The following ROBO1 variants were observed in gnomAD, a reference collection of about 807,000 sequenced individuals.
ROBO1 encodes roundabout guidance receptor 1.
Under a neutral mutation model 195.9 loss-of-function variants are expected in ROBO1, and 149 were observed. That is an observed-to-expected ratio of 0.76 (90% CI 0.67 to 0.87). The LOEUF (loss-of-function observed/expected upper bound fraction) is 0.87, where lower values mean the gene tolerates loss of function less well. ROBO1 is among the 40% of genes least tolerant of loss of function. The pLI is 0.00. For synonymous variants in ROBO1, 816 were observed against 733.2 expected (o/e 1.11, Z -1.82); for missense variants, 1,933 against 2,068.3 (o/e 0.93, Z 1.27).
At chr3:79,652,145 A>G (rs774322305) in intron 1 of ROBO1, among the ~76,000 whole-genome samples, 37 of 152,128 alleles carry the variant, frequency 2.4e-4, no homozygotes, top group Non-Finnish European at 5.0e-4. Context: ...TAAAAAATAT[A>G]CCACACTAGT....
intron 10 of ROBO1, among the ~76,000 whole-genome samples, chr3:78,684,323 A>G (rs2107813990): frequency 6.6e-6 from 1 of 152,292 alleles, no homozygotes; most frequent in African/African-American, 2.4e-5. Flanking sequence ...GATTTTAAGA[A>G]TAGATAAAAG....
At chr3:78,842,450 A>T (rs2033315989) in intron 4 of ROBO1, among the ~76,000 whole-genome samples, 1 of 6,866 alleles carries the variant, frequency 1.5e-4, no homozygotes, top group Admixed American at 2.2e-3. Context: ...TATGAGCCAT[A>T]TATATTTTTA....
intron 2 of ROBO1, among the ~76,000 whole-genome samples, chr3:79,376,339 T>C (rs2036382324): frequency 6.6e-6 from 1 of 152,208 alleles, no homozygotes; most frequent in South Asian, 2.1e-4. Context: ...TTAAGATCTT[T>C]CTTTTATGTT....
chr3:79,284,425 A>G (rs2031752451), intron 2 of ROBO1, among the ~76,000 whole-genome samples: 1 of 152,210 alleles, frequency 6.6e-6, no homozygotes, highest in Admixed American at 6.5e-5. Context: ...TGGCACATGT[A>G]TACCTATGTA....
chr3:79,520,151 T>G (rs1941146025), intron 2 of ROBO1, among the ~76,000 whole-genome samples: 1 of 147,756 alleles, frequency 6.8e-6, no homozygotes, highest in Non-Finnish European at 1.5e-5. Context: ...GACTGCAAGA[T>G]TCTATCAAAA....
intron 1 of ROBO1, among the ~76,000 whole-genome samples, chr3:79,637,413 C>T (rs368233318): frequency 6.6e-6 from 1 of 150,994 alleles, no homozygotes; most frequent in Non-Finnish European, 1.5e-5. Flanking sequence ...AAATGTGACC[C>T]TCCTTCCCAA....
chr3:79,118,597 C>T (rs1356591846), intron 3 of ROBO1, among the ~76,000 whole-genome samples: 3 of 151,892 alleles, frequency 2.0e-5, no homozygotes, highest in South Asian at 2.1e-4. Flanking sequence ...GGGCTGGGCG[C>T]GGTGGCTCAC....
intron 2 of ROBO1, among the ~76,000 whole-genome samples, chr3:79,125,992 T>C (rs1444202768): frequency 6.6e-6 from 1 of 152,124 alleles, no homozygotes; most frequent in East Asian, 1.9e-4. Context: ...ACTCCAGAGA[T>C]TGTACCTCAT....
intron 27 of ROBO1, among the ~76,000 whole-genome samples, chr3:78,615,812 A>T (rs1704079269): frequency 6.6e-6 from 1 of 152,218 alleles, no homozygotes. Context: ...ATATACATTA[A>T]CACAGCCAAG....
chr3:79,186,743 T>G (rs925901361), intron 2 of ROBO1, among the ~76,000 whole-genome samples: 1 of 152,096 alleles, frequency 6.6e-6, no homozygotes, highest in Non-Finnish European at 1.5e-5. Context: ...GCAATAGTCA[T>G]AGACACATTT....
At chr3:79,253,147 CA>C in intron 2 of ROBO1, among the ~76,000 whole-genome samples, 7 of 151,992 alleles carry the variant, frequency 4.6e-5, no homozygotes, top group Non-Finnish European at 8.8e-5. Flanking sequence ...CAATTATTAG[CA>C]GTGTGTAGAC....
intron 2 of ROBO1, among the ~76,000 whole-genome samples, chr3:79,165,112 G>T (rs2081038951): frequency 6.6e-6 from 1 of 152,072 alleles, no homozygotes; most frequent in African/African-American, 2.4e-5. Context: ...AGGAATTCTT[G>T]ATATTTGTTT....
rs774671027 is a variant in ROBO1, at chr3:78,661,121, C to T, written c.2229G>A (p.Lys743=). ...KNSVVIPDLR[K]GVNYEIKARP... is the part of the protein sequence containing the mutation. ...GAGCCTTAATTTCATAGTTGACTCC[C>T]TTTCTGAGATCAGGGATTACCACAC... is the stretch of plus-strand genomic sequence containing the variant. The change falls in exon 16 of 31, where the codon AAG becomes AAA. Residue 743 remains lysine (K), a synonymous_variant. Coordinates refer to ENST00000464233, the MANE Select transcript of ROBO1 (RefSeq NM_002941.4). 1.2e-6 allele frequency: 2 copies of T among 1,613,696 alleles called. No homozygotes were observed. Among genetic ancestry groups the T allele is most frequent in the Non-Finnish European group, 1.7e-6 (2 of 1,179,818 alleles).
intron 2 of ROBO1, among the ~76,000 whole-genome samples, chr3:79,529,829 A>C (rs1206527652): frequency 6.6e-6 from 1 of 152,240 alleles, no homozygotes; most frequent in African/African-American, 2.4e-5. Flanking sequence ...CTATGAAATC[A>C]GAACAAAGTA....
intron 1 of ROBO1, among the ~76,000 whole-genome samples, chr3:79,751,019 G>A (rs1704108693): frequency 6.6e-6 from 1 of 152,140 alleles, no homozygotes; most frequent in African/African-American, 2.4e-5. Flanking sequence ...ATAATTTCAT[G>A]TAGATTTGTA....
At chr3:79,696,964 A>T (rs1947466836) in intron 1 of ROBO1, among the ~76,000 whole-genome samples, 1 of 151,546 alleles carries the variant, frequency 6.6e-6, no homozygotes, top group African/African-American at 2.4e-5. Context: ...TATTGTCTCA[A>T]AAAGGATATT....
intron 1 of ROBO1, among the ~76,000 whole-genome samples, chr3:79,665,273 C>A (rs1946443006): frequency 6.6e-6 from 1 of 151,748 alleles, no homozygotes; most frequent in Non-Finnish European, 1.5e-5. Context: ...ATTTCATATA[C>A]TGTTATAGAG....
chr3:78,887,323 G>A (rs540151465), intron 4 of ROBO1, among the ~76,000 whole-genome samples: 1 of 152,250 alleles, frequency 6.6e-6, no homozygotes, highest in East Asian at 1.9e-4. Context: ...AGGACTGGAT[G>A]AAATCCATTA....
At position 79,722,273 on chromosome 3, in the gene ROBO1, C is replaced by A. The variant is rs185429149; in HGVS notation, c.-51+45479G>T. 1.4e-3 allele frequency among the ~76,000 whole-genome samples: 211 copies of A among 152,254 alleles called. 3 individuals are homozygous for A. In the South Asian group the frequency reaches 0.018, roughly 13 times the overall value. On this transcript the variant is annotated intron_variant, in intron 1 of 30. Coordinates refer to ENST00000464233, the MANE Select transcript of ROBO1 (RefSeq NM_002941.4). ...ACGGGAAAACTGCACTATCAATTGA[C>A]CTCTCATACATCTTTAGAAATCTAA...
Sources: allele counts gnomAD v4.1 joint callset (sites outside exome capture counted in the v4.1 genomes callset), GRCh38; gene constraint gnomAD v4.1.1; transcripts MANE v1.5; gene names NCBI Gene and HGNC (gene_info 2026-07-23, HGNC 2026-07-21).